Variants in HCN1 observed in about 807,000 individuals in gnomAD.
The protein encoded by HCN1 is potassium/sodium hyperpolarization-activated cyclic nucleotide-gated channel 1.
A neutral mutation model predicts 78.9 loss-of-function variants in HCN1; 13 were observed. The ratio of observed to expected loss-of-function variants is 0.16; its 90% CI spans 0.11 to 0.26. The LOEUF is 0.26. HCN1 is among the 10% of genes least tolerant of loss of function. The probability of loss-of-function intolerance (pLI) is 1.00; values close to 1 mark genes in which losing one functional copy is unlikely to be tolerated. For missense variants in HCN1, 810 were observed against 1,154.3 expected (o/e 0.70, Z 4.32); for synonymous variants, 552 against 455.5 (o/e 1.21, Z -2.70).
intron 2 of HCN1, among the ~76,000 whole-genome samples, chr5:45,543,528 A>G (rs1164911828): frequency 1.3e-5 from 2 of 152,074 alleles, no homozygotes; most frequent in African/African-American, 4.8e-5. Flanking sequence ...AAATAACTAT[A>G]TAAAGAAATT....
intron 2 of HCN1, among the ~76,000 whole-genome samples, chr5:45,620,576 AATG>A (rs1419456939): frequency 6.6e-6 from 1 of 151,812 alleles, no homozygotes; most frequent in African/African-American, 2.4e-5. Context: ...ATATATATAT[AATG>A]ATTATTATTA....
chr5:45,620,448 A>G (rs1580002921), intron 2 of HCN1, among the ~76,000 whole-genome samples: 1 of 151,958 alleles, frequency 6.6e-6, no homozygotes, highest in Non-Finnish European at 1.5e-5. Context: ...ATATTTTACT[A>G]TTCTATAAAT....
chr5:45,341,907 G>A (rs769010703), intron 5 of HCN1, among the ~76,000 whole-genome samples: 1 of 152,174 alleles, frequency 6.6e-6, no homozygotes, highest in Middle Eastern at 3.2e-3. Flanking sequence ...TTTTGTGAGA[G>A]TTTTGATGGG....
rs145164994 is a variant in HCN1 at position 45,273,178 on chromosome 5, G to A, written c.1619-5925C>T. Among the ~76,000 whole-genome samples the A allele has an allele frequency of 3.9e-5, 6 of 151,910 alleles. 1 individual carries two copies. Among genetic ancestry groups the A allele is most frequent in the South Asian group, 2.1e-4 (1 of 4,830 alleles). On this transcript the variant is annotated intron_variant, in intron 6 of 7. Transcript: ENST00000303230. ...ATTTTCCTGGTTTTCTTTATAGGGC[G>A]TTTATGAATGGCTAAGTAGTTATTT...
intron 1 of HCN1, among the ~76,000 whole-genome samples, chr5:45,676,458 GA>G (rs1746268028): frequency 6.6e-6 from 1 of 151,522 alleles, no homozygotes; most frequent in African/African-American, 2.4e-5. Flanking sequence ...TTCTGTACAA[GA>G]AAATCAGGAG....
At chr5:45,559,806 A>G (rs1182926964) in intron 2 of HCN1, 1 of 152,214 alleles carries the variant, frequency 6.6e-6, no homozygotes, top group African/African-American at 2.4e-5. Context: ...AAAATGTATC[A>G]AATAACATTA....
At position 45,617,903 on chromosome 5, in the gene HCN1, C is replaced by T. The variant is rs116788247; in HGVS notation, c.849+27282G>A. 5.6e-3 allele frequency among the ~76,000 whole-genome samples: 846 copies of T among 152,140 alleles called. 10 individuals are homozygous for T. Among genetic ancestry groups the T allele is most frequent in the African/African-American group, 0.016 (654 of 41,532 alleles). ...TATAGCTTTTCCCTCCCCAACCCAA[C>T]CTGTTCCAGAGTCTACTCATTCATT... is the stretch of plus-strand genomic sequence containing the variant. On this transcript the variant is annotated intron_variant, in intron 2 of 7. Coordinates refer to ENST00000303230, the MANE Select transcript of HCN1 (RefSeq NM_021072.4).
At chr5:45,322,193 T>C (rs1273883927) in intron 5 of HCN1, among the ~76,000 whole-genome samples, 2 of 151,834 alleles carry the variant, frequency 1.3e-5, no homozygotes, top group Non-Finnish European at 2.9e-5. Context: ...AATGTAAACA[T>C]GGAGCCTAAG....
intron 2 of HCN1, among the ~76,000 whole-genome samples, chr5:45,508,336 A>G (rs936179262): frequency 6.6e-6 from 1 of 152,084 alleles, no homozygotes; most frequent in East Asian, 1.9e-4. Context: ...GCTATCCTCA[A>G]TGTTCACAAT....
chr5:45,364,337 G>A (rs550004414), intron 4 of HCN1, among the ~76,000 whole-genome samples: 1 of 151,968 alleles, frequency 6.6e-6, no homozygotes, highest in Admixed American at 6.6e-5. Flanking sequence ...ATCTCGACTC[G>A]TAAGCCTGTT....
chr5:45,332,987 T>C (rs1746377115), intron 5 of HCN1, among the ~76,000 whole-genome samples: 1 of 151,830 alleles, frequency 6.6e-6, no homozygotes, highest in African/African-American at 2.4e-5. Context: ...TCATTTCCTT[T>C]CTTTTGGGTA....
At chr5:45,502,343 G>A (rs1406761051) in intron 2 of HCN1, among the ~76,000 whole-genome samples, 2 of 151,426 alleles carry the variant, frequency 1.3e-5, no homozygotes, top group African/African-American at 2.4e-5. Flanking sequence ...ATAGCCAGCC[G>A]TGGTGGTGCA....
chr5:45,319,635 TGCC>T (rs1746080452), intron 5 of HCN1, among the ~76,000 whole-genome samples: 1 of 151,788 alleles, frequency 6.6e-6, no homozygotes, highest in African/African-American at 2.4e-5. Context: ...ATCTGTGGCT[TGCC>T]TTTTCACTCT....
chr5:45,346,696 C>A lies in HCN1; in HGVS notation c.1377+6404G>T, dbSNP rs1196714936. Among the ~76,000 whole-genome samples, 3 of 152,198 alleles carry A rather than the reference C, an allele frequency of 2.0e-5. No homozygotes were observed. The East Asian group carries it at 5.8e-4, about 29-fold the overall frequency. Reference sequence around the variant, plus strand: ...CTTTTCTGATGGGCTTAAAAACCGGCACACCAGGAGATTATATCCTGCACC... The same window carrying A: ...CTTTTCTGATGGGCTTAAAAACCGGAACACCAGGAGATTATATCCTGCACC... On this transcript the variant is annotated intron_variant, in intron 5 of 7. Transcript: ENST00000303230.
intron 2 of HCN1, among the ~76,000 whole-genome samples, chr5:45,533,342 A>G (rs1028274337): frequency 1.3e-5 from 2 of 152,168 alleles, no homozygotes; most frequent in African/African-American, 4.8e-5. Flanking sequence ...TTAGACTCCA[A>G]GTCAGTTCCT....
rs879251445 is a variant in HCN1, at chr5:45,255,303, A to T, written c.*6618T>A. 3 of 152,192 alleles carry T rather than the reference A, an allele frequency of 2.0e-5. No homozygotes were observed. The highest frequency in any genetic ancestry group is 2.9e-5 in the Non-Finnish European group (2 of 68,026). The allele number at this position is 152,192 out of a possible 1,614,324, so 9.4% of individuals were successfully genotyped here. A position where few individuals can be genotyped will look rare whatever the true frequency, so the allele number is the denominator to read the frequency against. ...AGATCCCATGCTATGTTGACTTGTC[A>T]TCTCCAGAAATGTCTTCACACTTGG... On this transcript the variant is annotated 3_prime_UTR_variant, in exon 8 of 8. Coordinates refer to ENST00000303230, the MANE Select transcript of HCN1 (RefSeq NM_021072.4).
intron 2 of HCN1, among the ~76,000 whole-genome samples, chr5:45,508,656 CT>C (rs2111750663): frequency 6.6e-6 from 1 of 152,228 alleles, no homozygotes; most frequent in South Asian, 2.1e-4. Flanking sequence ...TTTCAAGCAT[CT>C]CATTTCAAGT....
At chr5:45,275,549 T>C (rs1236277843) in intron 6 of HCN1, among the ~76,000 whole-genome samples, 1 of 152,178 alleles carries the variant, frequency 6.6e-6, no homozygotes, top group Non-Finnish European at 1.5e-5. Context: ...CTTCTTTATC[T>C]GTGTCTTTCA....
intron 2 of HCN1, among the ~76,000 whole-genome samples, chr5:45,498,338 A>G (rs1027610638): frequency 6.6e-6 from 1 of 151,742 alleles, no homozygotes; most frequent in Non-Finnish European, 1.5e-5. Flanking sequence ...CATTCATTTC[A>G]TGTTCCATCG....
Sources: allele counts gnomAD v4.1 joint callset (sites outside exome capture counted in the v4.1 genomes callset), GRCh38; gene constraint gnomAD v4.1.1; transcripts MANE v1.5; gene names NCBI Gene and HGNC (gene_info 2026-07-23, HGNC 2026-07-21).